Variants in TANGO6 observed in about 807,000 individuals in gnomAD.
TANGO6 encodes transport and Golgi organization protein 6 homolog.
Under a neutral mutation model 114.2 loss-of-function variants are expected in TANGO6, and 90 were observed. The ratio of observed to expected loss-of-function variants is 0.79; its 90% CI spans 0.66 to 0.94. TANGO6 has a LOEUF of 0.94. TANGO6 is among the 40% of genes least tolerant of loss of function. TANGO6 has a pLI of 0.00. For missense variants in TANGO6, 1,274 were observed against 1,315.3 expected, an observed-to-expected ratio of 0.97 and a Z score of 0.49; for synonymous variants, 477 against 509.8, an observed-to-expected ratio of 0.94 and a Z score of 0.87.
chr16:68,849,967 G>C (rs1475802184), intron 1 of TANGO6, among the ~76,000 whole-genome samples: 1 of 147,474 alleles, frequency 6.8e-6, no homozygotes, highest in African/African-American at 2.5e-5. Context: ...TCTTTCTAGC[G>C]GTTCTTTTTT....
intron 1 of TANGO6, among the ~76,000 whole-genome samples, chr16:68,855,222 A>G (rs1263720555): frequency 6.6e-6 from 1 of 151,922 alleles, no homozygotes; most frequent in Non-Finnish European, 1.5e-5. Flanking sequence ...AAAATAAAAC[A>G]TAAAAAATTT....
chr16:68,950,483 T>C (rs1027783134), intron 14 of TANGO6, among the ~76,000 whole-genome samples: 2 of 151,906 alleles, frequency 1.3e-5, no homozygotes, highest in African/African-American at 4.8e-5. Flanking sequence ...GAGAATCGCT[T>C]GAACCTGGGA....
chr16:68,884,409 A>G (rs1962509928), intron 7 of TANGO6, among the ~76,000 whole-genome samples: 1 of 152,170 alleles, frequency 6.6e-6, no homozygotes, highest in Non-Finnish European at 1.5e-5. Context: ...TAGACTTCTG[A>G]AAAGAGGGGT....
chr16:69,051,636 T>C (rs1022072540), intron 17 of TANGO6, among the ~76,000 whole-genome samples: 1 of 152,164 alleles, frequency 6.6e-6, no homozygotes, highest in African/African-American at 2.4e-5. Context: ...TGAGCTGAGA[T>C]TGTGCCATCG....
chr16:68,872,760 G>A (rs1398866273), intron 4 of TANGO6, among the ~76,000 whole-genome samples: 3 of 151,210 alleles, frequency 2.0e-5, no homozygotes, highest in Non-Finnish European at 2.9e-5. Context: ...GCAGTGGCGC[G>A]ATCTCGGCTC....
chr16:68,927,526 C>A, intron 12 of TANGO6, 42 bp from the exon 13 acceptor site: 1 of 1,590,472 alleles, frequency 6.3e-7, no homozygotes, highest in Non-Finnish European at 8.6e-7. Context: ...TTGAAATTTG[C>A]TATGTTAATT....
At chr16:69,022,477 A>T (rs537986221) in intron 15 of TANGO6, among the ~76,000 whole-genome samples, 4 of 152,198 alleles carry the variant, frequency 2.6e-5, no homozygotes, top group Admixed American at 6.5e-5. Flanking sequence ...GCCAAGGCAG[A>T]TGGATAGCTT....
intron 16 of TANGO6, among the ~76,000 whole-genome samples, chr16:69,023,576 C>G (rs1335136543): frequency 6.6e-6 from 1 of 152,088 alleles, no homozygotes; most frequent in African/African-American, 2.4e-5. Context: ...ATGTAACTAA[C>G]AGAATTGGAG....
At chr16:68,963,647 AAAC>A (rs1234177605) in intron 14 of TANGO6, among the ~76,000 whole-genome samples, 1 of 152,212 alleles carries the variant, frequency 6.6e-6, no homozygotes, top group East Asian at 1.9e-4. Context: ...ACACATGCTC[AAAC>A]AACTTCTGCC....
intron 17 of TANGO6, among the ~76,000 whole-genome samples, chr16:69,060,654 C>T (rs936690339): frequency 2.6e-5 from 4 of 151,396 alleles, no homozygotes; most frequent in Non-Finnish European, 1.5e-5. Context: ...TAAATTCCTT[C>T]GTACCCACCT....
At chr16:68,881,267 A>C (rs1962458146) in intron 7 of TANGO6, among the ~76,000 whole-genome samples, 1 of 152,074 alleles carries the variant, frequency 6.6e-6, no homozygotes, top group African/African-American at 2.4e-5. Context: ...TCATCCCAGC[A>C]CTTTGAGAGG....
At chr16:69,001,492 T>C (rs1330174387) in intron 15 of TANGO6, among the ~76,000 whole-genome samples, 1 of 152,208 alleles carries the variant, frequency 6.6e-6, no homozygotes, top group Non-Finnish European at 1.5e-5. Context: ...AGCTCTTTTA[T>C]ATAAACATCA....
chr16:68,938,428 G>T (rs1180792902), intron 14 of TANGO6, among the ~76,000 whole-genome samples: 1 of 152,120 alleles, frequency 6.6e-6, no homozygotes, highest in Non-Finnish European at 1.5e-5. Context: ...AGATAAAACT[G>T]GCTTTAGGCT....
intron 4 of TANGO6, among the ~76,000 whole-genome samples, chr16:68,872,323 G>A (rs112307791): frequency 0.099 from 14,763 of 149,664 alleles, 811 homozygotes; most frequent in Non-Finnish European, 0.13. Flanking sequence ...TTTTTTTGAG[G>A]CAGAGTCTTG....
chr16:68,937,091 A>G (rs947688110), intron 14 of TANGO6: 27 of 152,244 alleles, frequency 1.8e-4, no homozygotes, highest in African/African-American at 6.5e-4. Flanking sequence ...CTGAATCTCT[A>G]TCTCATTCTC....
At chr16:69,040,501 GCC>G in intron 17 of TANGO6, 80 bp downstream of exon 17, 4 of 1,171,096 alleles carry the variant, frequency 3.4e-6, no homozygotes, top group Non-Finnish European at 4.9e-6. Flanking sequence ...ACCAGGGAAG[GCC>G]TCAAACCTCT....
At chr16:68,891,933 G>A (rs1440176693) in intron 7 of TANGO6, among the ~76,000 whole-genome samples, 1 of 149,184 alleles carries the variant, frequency 6.7e-6, no homozygotes, top group Non-Finnish European at 1.5e-5. Context: ...GGAGGAGGGA[G>A]GGAGAGAGGA....
intron 9 of TANGO6, among the ~76,000 whole-genome samples, 156 bp from the exon 10 acceptor site, chr16:68,907,287 A>G (rs1375796444): frequency 6.6e-6 from 1 of 152,064 alleles, no homozygotes. Context: ...TTTTTTCAGA[A>G]TGGAGAAACA....
intron 16 of TANGO6, among the ~76,000 whole-genome samples, chr16:69,029,429 G>T (rs188056491): frequency 6.6e-6 from 1 of 152,292 alleles, no homozygotes; most frequent in African/African-American, 2.4e-5. Flanking sequence ...TTTATTGAGT[G>T]CCTACTACAT....
Sources: allele counts gnomAD v4.1 joint callset (sites outside exome capture counted in the v4.1 genomes callset), GRCh38; gene constraint gnomAD v4.1.1; transcripts MANE v1.5; gene names NCBI Gene and HGNC (gene_info 2026-07-23, HGNC 2026-07-21).